CENPF: variants seen among roughly 807,000 people sequenced by gnomAD.
The protein encoded by CENPF is AH antigen.
In CENPF, 214 loss-of-function variants were observed where a neutral mutation model predicts 307.3. That is an observed-to-expected ratio of 0.70 (90% CI 0.62 to 0.78). The LOEUF is 0.78. Among genes scored for constraint, CENPF ranks in the 30% least tolerant of loss-of-function variants. CENPF has a pLI of 0.00. For synonymous variants in CENPF, 1,259 were observed against 1,270.6 expected (o/e 0.99, Z 0.19); for missense variants, 3,401 against 3,483.9 (o/e 0.98, Z 0.60).
At chr1:214,618,300 A>G (rs1255755111) in intron 3 of CENPF, among the ~76,000 whole-genome samples, 4 of 152,220 alleles carry the variant, frequency 2.6e-5, no homozygotes, top group Non-Finnish European at 5.9e-5. Flanking sequence ...TGGTTATTAT[A>G]GATCTTCCTT....
At chr1:214,604,617 A>G (rs886394641) in intron 1 of CENPF, among the ~76,000 whole-genome samples, 4 of 152,184 alleles carry the variant, frequency 2.6e-5, no homozygotes, top group Non-Finnish European at 1.5e-5. Context: ...TCTGTTGGCT[A>G]TAGCATCTTG....
chr1:214,638,605 A>G (rs17023299), intron 11 of CENPF, among the ~76,000 whole-genome samples: 16,594 of 152,102 alleles, frequency 0.11, 1,361 homozygotes, highest in African/African-American at 0.22. Context: ...GCATATCTAG[A>G]ATTTCTTTGA....
intron 10 of CENPF, among the ~76,000 whole-genome samples, chr1:214,634,348 A>G (rs1315369124): frequency 6.6e-6 from 1 of 152,180 alleles, no homozygotes; most frequent in Non-Finnish European, 1.5e-5. Flanking sequence ...TGGGATTGGG[A>G]CCAGATAACT....
At chr1:214,651,024 G>A (rs1031690275) in intron 14 of CENPF, among the ~76,000 whole-genome samples, 11 of 152,214 alleles carry the variant, frequency 7.2e-5, no homozygotes, top group African/African-American at 2.7e-4. Context: ...AGAAGAATGT[G>A]CCTTTAGTTT....
chr1:214,646,078 C>G lies in CENPF; in HGVS notation c.6508C>G (p.Gln2170Glu), dbSNP rs1658290662. The change falls in exon 13 of 20, where the codon CAG becomes GAG. Residue 2170 changes from glutamine (Q) to glutamate (E), a missense_variant. Physicochemically the swap from Gln to Glu is conservative, Grantham distance 29 (BLOSUM62 2). Coordinates refer to ENST00000366955, the MANE Select transcript of CENPF (RefSeq NM_016343.4). The stretch of plus-strand genomic sequence containing the variant: ...GGAATTGCAGATGTCAGAAGAAAAC[C>G]AGGAGCTAGTGATTCTTGATGCCGA... ...ERELQMSEEN[Q>E]ELVILDAENS... 1.9e-6 allele frequency: 3 copies of G among 1,613,854 alleles called. No individual in the cohort carries two copies. Among genetic ancestry groups the G allele is most frequent in the African/African-American group, 1.3e-5 (1 of 74,910 alleles).
At chr1:214,606,286 C>CCCGTTCCCTGGCGCTG (rs141241511) in intron 1 of CENPF, among the ~76,000 whole-genome samples, 18 of 152,060 alleles carry the variant, frequency 1.2e-4, no homozygotes, top group Non-Finnish European at 1.8e-4. Flanking sequence ...GCGGCCCCAC[C>CCCGTTCCCTGGCGCTG]CCGTTCCCTG....
At chr1:214,661,121 T>A (rs1364535505) in intron 19 of CENPF, among the ~76,000 whole-genome samples, 1 of 152,212 alleles carries the variant, frequency 6.6e-6, no homozygotes, top group African/African-American at 2.4e-5. Context: ...TGCTGTTGAA[T>A]CTGCTGAGTA....
Position 214,641,218 on chromosome 1 carries a change from C to T in CENPF, c.2880C>T (p.Ser960=), listed in dbSNP as rs1257357499. Reference sequence around the variant, plus strand: ...GCTTGGAGAAGAAAGAAATGAGTTCCATCATTTCTCTAAATAAAAGGGAAA... The same window carrying T: ...GCTTGGAGAAGAAAGAAATGAGTTCTATCATTTCTCTAAATAAAAGGGAAA... ...TLSLEKKEMS[S]IISLNKREIE... is the part of the protein sequence containing the mutation. Residue 960 remains serine, a synonymous_variant, in exon 12 of 20, where the codon TCC becomes TCT. Coordinates refer to ENST00000366955, the MANE Select transcript of CENPF (RefSeq NM_016343.4). 1 of 1,608,234 alleles carries T rather than the reference C, an allele frequency of 6.2e-7. No homozygotes were observed. The highest frequency in any genetic ancestry group is 1.1e-5 in the South Asian group (1 of 89,580).
chr1:214,648,621 T>A, intron 13 of CENPF, 54 bp from the exon 14 acceptor site: 1 of 1,587,784 alleles, frequency 6.3e-7, no homozygotes, highest in Non-Finnish European at 8.6e-7. Flanking sequence ...GAGTGGTCGA[T>A]CTGATCAAAA....
chr1:214,661,734 G>A (rs1232007265), intron 19 of CENPF, among the ~76,000 whole-genome samples: 2 of 152,204 alleles, frequency 1.3e-5, no homozygotes, highest in South Asian at 2.1e-4. Flanking sequence ...AGAGCCCATC[G>A]TGGATGGTGG....
intron 11 of CENPF, among the ~76,000 whole-genome samples, chr1:214,639,643 C>G (rs1489008854): frequency 6.6e-6 from 1 of 152,096 alleles, no homozygotes; most frequent in East Asian, 1.9e-4. Flanking sequence ...AAAATCATCC[C>G]TTGGTATTTT....
Position 214,647,220 on chromosome 1 carries a change from T to C in CENPF, c.7650T>C (p.Leu2550=). The change falls in exon 13 of 20, where the codon CTT becomes CTC. Residue 2550 remains leucine (L), a synonymous_variant. Coordinates refer to ENST00000366955, the MANE Select transcript of CENPF (RefSeq NM_016343.4). ...CCCAGGTGGAAGGAGAGCACCAACT[T>C]TGGAAGGAGCAAAACTTAGAACTGA... ...KLSQVEGEHQ[L]WKEQNLELRN... is the part of the protein sequence containing the mutation. The C allele has an allele frequency of 6.2e-7, 1 of 1,614,022 alleles. No individual in the cohort carries two copies. Among genetic ancestry groups the C allele is most frequent in the Non-Finnish European group, 8.5e-7 (1 of 1,179,980 alleles).
At chr1:214,626,434 T>A (rs527396595) in intron 7 of CENPF, among the ~76,000 whole-genome samples, 1 of 152,342 alleles carries the variant, frequency 6.6e-6, no homozygotes, top group African/African-American at 2.4e-5. Flanking sequence ...TTTTTATATA[T>A]TCTCCTAGTG....
Position 214,640,709 on chromosome 1 carries a change from C to A in CENPF, c.2371C>A (p.Pro791Thr), listed in dbSNP as rs769856777. The A allele has an allele frequency of 6.2e-7, 1 of 1,613,920 alleles. No individual in the cohort carries two copies. Among genetic ancestry groups the A allele is most frequent in the Non-Finnish European group, 8.5e-7 (1 of 1,179,984 alleles). The change falls in exon 12 of 20, where the codon CCT (proline) becomes ACT (threonine). Residue 791 changes from proline to threonine, a missense_variant. Coordinates refer to ENST00000366955, the MANE Select transcript of CENPF (RefSeq NM_016343.4). Reference protein sequence around the residue: ...QRSLLAFDQQPAMHHSFANII... With the variant: ...QRSLLAFDQQTAMHHSFANII... ...AAGTCTTTTGGCTTTTGATCAGCAG[C>A]CTGCCATGCATCATTCCTTTGCAAA...
At position 214,613,900 on chromosome 1, in the gene CENPF, A is replaced by C. The variant is rs1157195071; in HGVS notation, c.146A>C (p.Gln49Pro). 1.2e-6 allele frequency: 2 copies of C among 1,610,452 alleles called. No homozygotes were observed. The highest frequency in any genetic ancestry group is 1.7e-6 in the Non-Finnish European group (2 of 1,179,016). The change falls in exon 2 of 20, where the codon CAG becomes CCG. Residue 49 changes from glutamine (Q) to proline (P), a missense_variant. Physicochemically the swap from Gln to Pro is moderately conservative, Grantham distance 76 (BLOSUM62 -1). Transcript: ENST00000366955. The stretch of plus-strand genomic sequence containing the variant: ...CTTGACAGTCTCGAGGCTGCGCTGC[A>C]GAAGCAAAAACAGAAGGTACCCCTG... ...FQLDSLEAALQKQKQKVENEK... is the reference protein window; with the variant it reads ...FQLDSLEAALPKQKQKVENEK...
intron 19 of CENPF, among the ~76,000 whole-genome samples, chr1:214,662,242 T>C (rs1290923104): frequency 6.6e-6 from 1 of 151,720 alleles, no homozygotes; most frequent in Non-Finnish European, 1.5e-5. Flanking sequence ...TTGGAATCAC[T>C]ATTTCTCTTT....
chr1:214,625,943 A>T (rs984318547), intron 7 of CENPF, among the ~76,000 whole-genome samples: 1 of 152,168 alleles, frequency 6.6e-6, no homozygotes, highest in South Asian at 2.1e-4. Flanking sequence ...ACTCTTAAAC[A>T]TATTTTAAAA....
intron 1 of CENPF, among the ~76,000 whole-genome samples, chr1:214,609,177 T>G (rs1190703290): frequency 1.3e-5 from 2 of 151,958 alleles, no homozygotes; most frequent in Admixed American, 6.6e-5. Context: ...GCCGGCCTCC[T>G]GCATCGCCAC....
intron 7 of CENPF, among the ~76,000 whole-genome samples, chr1:214,627,581 G>A (rs1405212011): frequency 2.0e-5 from 3 of 151,522 alleles, no homozygotes; most frequent in Admixed American, 6.6e-5. Flanking sequence ...TCACCATGTT[G>A]GCCAGGCTGG....
Sources: allele counts gnomAD v4.1 joint callset (sites outside exome capture counted in the v4.1 genomes callset), GRCh38; gene constraint gnomAD v4.1.1; transcripts MANE v1.5; gene names NCBI Gene and HGNC (gene_info 2026-07-23, HGNC 2026-07-21).